KLF7: variants seen among roughly 807,000 people sequenced by gnomAD.
KLF7 encodes Krueppel-like factor 7.
Under a neutral mutation model 27.3 loss-of-function variants are expected in KLF7, and 2 were observed. That is an observed-to-expected ratio of 0.07 (90% CI 0.03 to 0.23). KLF7 has a LOEUF of 0.23. Ranked by LOEUF, KLF7 falls within the 10% of genes least tolerant of loss-of-function variation. KLF7 has a pLI of 1.00. For synonymous variants in KLF7, 165 were observed against 162.4 expected (o/e 1.02, Z -0.12); for missense variants, 221 against 394.1 (o/e 0.56, Z 3.72).
At chr2:207,167,657 T>C (rs548308736), upstream of KLF7, among the ~76,000 whole-genome samples, 1 of 152,360 alleles carries the variant, frequency 6.6e-6, no homozygotes, top group South Asian at 2.1e-4. Flanking sequence ...TGAGTATAAT[T>C]GGAACATTTA....
At chr2:207,103,585 G>T (rs2076814882) in intron 2 of KLF7, among the ~76,000 whole-genome samples, 1 of 152,198 alleles carries the variant, frequency 6.6e-6, no homozygotes, top group East Asian at 1.9e-4. Context: ...AAGGTTGTCA[G>T]AGTTCTGGAG....
chr2:207,088,323 TG>T, intron 3 of KLF7, 134 bp downstream of exon 3: 1 of 1,022,092 alleles, frequency 9.8e-7, no homozygotes, highest in Non-Finnish European at 1.4e-6. Flanking sequence ...GTCCTCTCCA[TG>T]GAGAAAAGGC....
At chr2:207,095,861 A>G (rs1322546805) in intron 2 of KLF7, among the ~76,000 whole-genome samples, 1 of 152,202 alleles carries the variant, frequency 6.6e-6, no homozygotes, top group African/African-American at 2.4e-5. Flanking sequence ...AAATGATTAT[A>G]TTTTAGATAT....
intron 2 of KLF7, among the ~76,000 whole-genome samples, chr2:207,102,695 G>A (rs2076794958): frequency 1.3e-5 from 2 of 152,100 alleles, no homozygotes; most frequent in South Asian, 4.1e-4. Flanking sequence ...CTGCATTAAA[G>A]GCTTTTTAAA....
At chr2:207,169,823 C>T (rs976336785), upstream of KLF7, among the ~76,000 whole-genome samples, 2 of 151,976 alleles carry the variant, frequency 1.3e-5, no homozygotes, top group African/African-American at 4.8e-5. Context: ...GAACTGTGCC[C>T]AAATAAGACA....
In KLF7 at chr2:207,141,280, T is replaced by G. The variant is rs184569202; in HGVS notation, c.103-16876A>C. ...TCAATTTCAGACTCTGGACTGCAGT[T>G]TCTGCTCAGTCTCCTAGACAAGGTC... On this transcript the variant is annotated intron_variant, in intron 1 of 3. Coordinates refer to ENST00000309446, the MANE Select transcript of KLF7 (RefSeq NM_003709.4). Among the ~76,000 whole-genome samples, 353 of 152,310 alleles carry G rather than the reference T, an allele frequency of 2.3e-3. 4 individuals are homozygous for G. The highest frequency in any genetic ancestry group is 7.9e-3 in the African/African-American group (327 of 41,552).
At chr2:207,169,260 T>TC (rs1031609176), upstream of KLF7, among the ~76,000 whole-genome samples, 3 of 151,844 alleles carry the variant, frequency 2.0e-5, no homozygotes, top group Non-Finnish European at 4.4e-5. Flanking sequence ...TAATAAATTA[T>TC]CCCCCCACCC....
intron 3 of KLF7, 136 bp downstream of exon 3, chr2:207,088,322 A>G: frequency 9.8e-7 from 1 of 1,023,962 alleles, no homozygotes; most frequent in East Asian, 2.4e-5. Context: ...GGTCCTCTCC[A>G]TGGAGAAAAG....
chr2:207,140,158 A>C (rs547863657), intron 1 of KLF7, among the ~76,000 whole-genome samples: 29 of 152,282 alleles, frequency 1.9e-4, no homozygotes, highest in African/African-American at 6.5e-4. Flanking sequence ...AAGTGCTGGG[A>C]TTACAGGCAT....
chr2:207,170,466 C>T (rs2078777279), upstream of KLF7, among the ~76,000 whole-genome samples: 1 of 152,104 alleles, frequency 6.6e-6, no homozygotes, highest in African/African-American at 2.4e-5. Context: ...GAGCTAAAAT[C>T]ATTGATAAGG....
At chr2:207,166,694 C>T, upstream of KLF7, 1 of 637,000 alleles carries the variant, frequency 1.6e-6, no homozygotes, top group Non-Finnish European at 2.0e-6. Flanking sequence ...GTGGCCACCC[C>T]GCCTCCGCCT....
intron 1 of KLF7, among the ~76,000 whole-genome samples, chr2:207,138,942 T>C (rs2077863633): frequency 2.0e-5 from 3 of 152,196 alleles, no homozygotes; most frequent in Non-Finnish European, 1.5e-5. Context: ...ATAACTTGAG[T>C]TCTTCCTTGC....
chr2:207,145,153 C>T (rs987786657), intron 1 of KLF7, among the ~76,000 whole-genome samples: 1 of 152,208 alleles, frequency 6.6e-6, no homozygotes, highest in African/African-American at 2.4e-5. Flanking sequence ...TACATGTATA[C>T]AGACTTTGTT....
chr2:207,144,159 C>CGG (rs57867270), intron 1 of KLF7, among the ~76,000 whole-genome samples: 233 of 92,876 alleles, frequency 2.5e-3, no homozygotes, highest in African/African-American at 9.4e-3. Context: ...GTCGTCACAG[C>CGG]GGGGGGGAGA....
chr2:207,085,287 G>C (rs1242837194), intron 3 of KLF7, among the ~76,000 whole-genome samples: 3 of 148,534 alleles, frequency 2.0e-5, no homozygotes, highest in African/African-American at 7.4e-5. Context: ...CCACTTATAA[G>C]TGGGCTGACA....
intron 2 of KLF7, among the ~76,000 whole-genome samples, chr2:207,108,570 T>C (rs191386798): frequency 1.2e-4 from 19 of 152,348 alleles, no homozygotes; most frequent in Non-Finnish European, 2.1e-4. Context: ...GATCTCTGGA[T>C]ATAATATAAA....
At chr2:207,104,392 A>G (rs1193423784) in intron 2 of KLF7, among the ~76,000 whole-genome samples, 2 of 152,194 alleles carry the variant, frequency 1.3e-5, no homozygotes, top group Non-Finnish European at 2.9e-5. Context: ...CAATACATGC[A>G]TCTCTGTGGA....
intron 1 of KLF7, among the ~76,000 whole-genome samples, chr2:207,157,529 G>A (rs1008595271): frequency 3.9e-5 from 6 of 152,218 alleles, no homozygotes; most frequent in African/African-American, 1.4e-4. Flanking sequence ...GGGGGAACTT[G>A]CAAATATTGT....
intron 1 of KLF7, among the ~76,000 whole-genome samples, chr2:207,154,928 G>GA (rs1189256617): frequency 1.3e-5 from 2 of 152,140 alleles, no homozygotes; most frequent in African/African-American, 4.8e-5. Context: ...CCAAAGCCCA[G>GA]AAAGAAGACA....
Sources: gnomAD v4.1 joint callset for allele counts (sites outside exome capture counted in the v4.1 genomes callset) on GRCh38, gnomAD v4.1.1 for gene constraint, MANE v1.5 for transcripts, NCBI Gene and HGNC (gene_info 2026-07-23, HGNC 2026-07-21) for gene names.